The following EMB variants were observed in gnomAD, a reference collection of about 807,000 sequenced individuals.
The protein encoded by EMB is embigin homolog.
Under a neutral mutation model 41.4 loss-of-function variants are expected in EMB, and 31 were observed. The ratio of observed to expected loss-of-function variants is 0.75; its 90% CI spans 0.56 to 1.01. The LOEUF is 1.01. EMB is among the 50% of genes least tolerant of loss of function. The probability of loss-of-function intolerance (pLI) is 0.00; values close to 1 mark genes in which losing one functional copy is unlikely to be tolerated. For missense variants in EMB, 379 were observed against 388.3 expected (o/e 0.98, Z 0.20); for synonymous variants, 137 against 140.4 (o/e 0.98, Z 0.17).
intron 1 of EMB, among the ~76,000 whole-genome samples, chr5:50,437,927 A>T (rs902986844): frequency 6.6e-6 from 1 of 152,222 alleles, no homozygotes; most frequent in African/African-American, 2.4e-5. Flanking sequence ...ACTCCCACTG[A>T]TATATCCTTT....
intron 7 of EMB, among the ~76,000 whole-genome samples, chr5:50,401,819 C>G (rs761767710): frequency 2.0e-5 from 3 of 151,890 alleles, no homozygotes; most frequent in Non-Finnish European, 4.4e-5. Context: ...AGCCCCAACC[C>G]AAGAGGTTCT....
chr5:50,435,790 T>C (rs1745794370), intron 1 of EMB, among the ~76,000 whole-genome samples: 1 of 152,200 alleles, frequency 6.6e-6, no homozygotes, highest in South Asian at 2.1e-4. Context: ...TTTAATTTGC[T>C]TCAGTTGGTA....
At chr5:50,437,452 A>T (rs1745823263) in intron 1 of EMB, among the ~76,000 whole-genome samples, 1 of 152,120 alleles carries the variant, frequency 6.6e-6, no homozygotes, top group Non-Finnish European at 1.5e-5. Context: ...AGTTACTCTG[A>T]ATCTTTAATA....
At chr5:50,442,796 T>C (rs1313815412), upstream of EMB, among the ~76,000 whole-genome samples, 2 of 152,160 alleles carry the variant, frequency 1.3e-5, no homozygotes, top group Non-Finnish European at 2.9e-5. Flanking sequence ...TATAATTAGG[T>C]AGAGTGTCAA....
intron 2 of EMB, among the ~76,000 whole-genome samples, chr5:50,417,046 C>T (rs1745441089): frequency 1.3e-5 from 2 of 152,112 alleles, no homozygotes; most frequent in African/African-American, 2.4e-5. Context: ...CTGTAACAAC[C>T]CTGCCTCAAT....
At position 50,429,015 on chromosome 5, in the gene EMB, C is replaced by T. The variant is rs1745669378; in HGVS notation, c.113-788G>A. 1.3e-5 allele frequency among the ~76,000 whole-genome samples: 2 copies of T among 152,166 alleles called. 1 individual carries two copies. Among genetic ancestry groups the T allele is most frequent in the South Asian group, 4.1e-4 (2 of 4,828 alleles). On this transcript the variant is annotated intron_variant, in intron 1 of 8. Coordinates refer to ENST00000303221, the MANE Select transcript of EMB (RefSeq NM_198449.3). ...GGTTCAAGCAATTCTCCTGCCTCAG[C>T]CTCCCGAGTAGCTGGGACTACAGGC... is the stretch of plus-strand genomic sequence containing the variant.
intron 1 of EMB, among the ~76,000 whole-genome samples, chr5:50,438,870 C>T (rs1227031523): frequency 6.6e-6 from 1 of 151,644 alleles, no homozygotes; most frequent in Non-Finnish European, 1.5e-5. Flanking sequence ...TTGATTTACA[C>T]CTTCATTTAT....
chr5:50,440,533 C>CAAAAAAA (rs70972912), intron 1 of EMB, among the ~76,000 whole-genome samples: 17 of 60,054 alleles, frequency 2.8e-4, no homozygotes, highest in African/African-American at 1.0e-3. Flanking sequence ...AACTCCGTCT[C>CAAAAAAA]AAAAAAAAAA....
At chr5:50,400,177 T>C (rs1350853068) in intron 7 of EMB, among the ~76,000 whole-genome samples, 2 of 152,040 alleles carry the variant, frequency 1.3e-5, no homozygotes, top group African/African-American at 2.4e-5. Flanking sequence ...AGTGAGGACT[T>C]GGGCGTAAAG....
At chr5:50,427,195 C>CCA (rs1745625725) in intron 2 of EMB, among the ~76,000 whole-genome samples, 1 of 152,146 alleles carries the variant, frequency 6.6e-6, no homozygotes, top group South Asian at 2.1e-4. Flanking sequence ...GAAGACCATT[C>CCA]CACTCTCTGT....
intron 2 of EMB, 185 bp from the exon 3 acceptor site, chr5:50,411,568 A>G (rs1195514391): frequency 2.2e-6 from 1 of 464,456 alleles, no homozygotes; most frequent in Non-Finnish European, 3.8e-6. Flanking sequence ...GCACACCTAA[A>G]GAAAAGTTTT....
intron 2 of EMB, among the ~76,000 whole-genome samples, chr5:50,415,092 C>A (rs1745407698): frequency 6.6e-6 from 1 of 152,152 alleles, no homozygotes; most frequent in Non-Finnish European, 1.5e-5. Flanking sequence ...CCAAGAGATC[C>A]ATTAATATTC....
At chr5:50,415,002 C>T (rs1021626446) in intron 2 of EMB, among the ~76,000 whole-genome samples, 5 of 152,092 alleles carry the variant, frequency 3.3e-5, no homozygotes, top group Admixed American at 1.3e-4. Flanking sequence ...CCACTGAAGT[C>T]GTTTTTTTAT....
chr5:50,438,174 C>G (rs1404918186), intron 1 of EMB, among the ~76,000 whole-genome samples: 1 of 152,152 alleles, frequency 6.6e-6, no homozygotes, highest in Non-Finnish European at 1.5e-5. Context: ...CTGGATGGAC[C>G]AATGCCAAAT....
intron 1 of EMB, among the ~76,000 whole-genome samples, chr5:50,431,559 G>A (rs541617778): frequency 3.9e-5 from 6 of 152,150 alleles, no homozygotes; most frequent in South Asian, 2.1e-4. Context: ...GTTTCCAAAC[G>A]CCATATGCCC....
At chr5:50,432,817 G>A (rs964975527) in intron 1 of EMB, among the ~76,000 whole-genome samples, 9 of 149,902 alleles carry the variant, frequency 6.0e-5, no homozygotes, top group African/African-American at 1.7e-4. Flanking sequence ...GGTGGCTCAC[G>A]CTTCTAATCT....
chr5:50,409,972 T>C (rs1745308082), intron 4 of EMB, among the ~76,000 whole-genome samples: 1 of 152,088 alleles, frequency 6.6e-6, no homozygotes, highest in East Asian at 1.9e-4. Context: ...AGGGATGCAA[T>C]GAGGGACACA....
intron 1 of EMB, among the ~76,000 whole-genome samples, chr5:50,433,238 G>T (rs1480956334): frequency 1.4e-5 from 2 of 147,922 alleles, no homozygotes; most frequent in African/African-American, 2.5e-5. Context: ...TACAGACAAG[G>T]TTTTTTTTTT....
At chr5:50,399,323 A>G in intron 8 of EMB, 33 bp from the exon 9 acceptor site, 7 of 1,603,870 alleles carry the variant, frequency 4.4e-6, no homozygotes, top group Non-Finnish European at 6.0e-6. Context: ...AAATATAATT[A>G]GTATGTTCTG....
Sources: allele counts gnomAD v4.1 joint callset (sites outside exome capture counted in the v4.1 genomes callset), GRCh38; gene constraint gnomAD v4.1.1; transcripts MANE v1.5; gene names NCBI Gene and HGNC (gene_info 2026-07-23, HGNC 2026-07-21).